Variants in FRMPD1 observed in about 807,000 individuals in gnomAD.
FRMPD1 encodes FERM and PDZ domain containing 1, also known as FERM and PDZ domain-containing protein 1.
In FRMPD1, 76 loss-of-function variants were observed where a neutral mutation model predicts 117.8. The ratio of observed to expected loss-of-function variants is 0.65; its 90% CI spans 0.54 to 0.78. The LOEUF (loss-of-function observed/expected upper bound fraction) is 0.78. Ranked by LOEUF, FRMPD1 falls within the 30% of genes least tolerant of loss-of-function variation. FRMPD1 has a pLI of 0.00. For synonymous variants in FRMPD1, 783 were observed against 770.4 expected (o/e 1.02, Z -0.27); for missense variants, 1,786 against 1,964.5 (o/e 0.91, Z 1.72).
intron 2 of FRMPD1, among the ~76,000 whole-genome samples, chr9:37,694,601 G>T (rs1563935167): frequency 6.6e-6 from 1 of 152,146 alleles, no homozygotes. Flanking sequence ...AGGACGGAGT[G>T]CAGTGGTGTG....
rs769184268 is a variant in FRMPD1, at chr9:37,719,181, G to A, written c.516+5G>A. ...CTCATCAGTGGACACAGCCAGGTGT[G>A]TCACTAGTCAAGGGATTGAAATTAT... On this transcript the variant is annotated splice_donor_5th_base_variant and intron_variant, in intron 6 of 15. Coordinates refer to ENST00000377765, the MANE Select transcript of FRMPD1 (RefSeq NM_014907.3). The A allele has an allele frequency of 1.3e-6, 2 of 1,556,450 alleles. No homozygotes were observed. The highest frequency in any genetic ancestry group is 1.8e-6 in the Non-Finnish European group (2 of 1,127,332).
At chr9:37,659,987 C>G (rs945375121) in intron 1 of FRMPD1, among the ~76,000 whole-genome samples, 1 of 147,820 alleles carries the variant, frequency 6.8e-6, no homozygotes, top group African/African-American at 2.5e-5. Flanking sequence ...AGTAGTGGAG[C>G]TGAGAGAAAG....
intron 1 of FRMPD1, chr9:37,661,662 C>A (rs2119387172): frequency 6.6e-6 from 1 of 152,350 alleles, no homozygotes; most frequent in East Asian, 1.9e-4. Context: ...ACCACCACCT[C>A]TCTGTGTGAA....
intron 5 of FRMPD1, among the ~76,000 whole-genome samples, chr9:37,717,749 G>C (rs191595797): frequency 5.3e-4 from 80 of 152,086 alleles, no homozygotes; most frequent in Admixed American, 1.8e-3. Context: ...TTCATTTTCC[G>C]GAAAACTTGA....
At chr9:37,611,154 G>T in the FRMPD1 span, among the ~76,000 whole-genome samples, 15,734 of 152,214 alleles carry the variant, frequency 0.1, 933 homozygotes, top group Middle Eastern at 0.15. Context: ...GCAAAGTCCA[G>T]CCCTGCAGTC....
chr9:37,607,064 C>T, the FRMPD1 span, among the ~76,000 whole-genome samples: 5 of 152,140 alleles, frequency 3.3e-5, no homozygotes, highest in African/African-American at 1.2e-4. Flanking sequence ...CCTATAATCC[C>T]AGCACTTTGG....
In FRMPD1 at chr9:37,735,687, G is replaced by C. The variant is rs1307137705; in HGVS notation, c.1354G>C (p.Glu452Gln). ...CATCAGCCGTGTAGAGCTAACGGAAGAGTCTGAGAAAGTGAGCGTCGTCAA... is the reference window on the plus strand; with the variant it reads ...CATCAGCCGTGTAGAGCTAACGGAACAGTCTGAGAAAGTGAGCGTCGTCAA... ...ANISRVELTE[E>Q]SEKVSVVKVY... Residue 452 changes from glutamate to glutamine, a missense_variant, in exon 13 of 16, where the codon GAG becomes CAG. Transcript: ENST00000377765. 2.5e-6 allele frequency: 4 copies of C among 1,613,814 alleles called. No homozygotes were observed. Among genetic ancestry groups the C allele is most frequent in the Non-Finnish European group, 3.4e-6 (4 of 1,179,914 alleles).
Position 37,732,453 on chromosome 9 carries a change from G to A in FRMPD1, c.995+13G>A, listed in dbSNP as rs1412940901. 6.3e-7 allele frequency: 1 copy of A among 1,585,986 alleles called. No homozygotes were observed. Among genetic ancestry groups the A allele is most frequent in the Non-Finnish European group, 8.6e-7 (1 of 1,165,078 alleles). On this transcript the variant is annotated intron_variant, in intron 10 of 15. Coordinates refer to ENST00000377765, the MANE Select transcript of FRMPD1 (RefSeq NM_014907.3). The stretch of plus-strand genomic sequence containing the variant: ...TAAAGTATATAGAGTGAGTGGCAGG[G>A]GATGGCAGCTGCATTGCATTTATAA...
rs146611803 is a variant in FRMPD1, at chr9:37,692,718, G to C, written c.77G>C (p.Arg26Pro). ...GAACAAATGGTGGCAAGATGGCTTC[G>C]GCGCTCCCGGGACAGCTCGGCCCGG... The part of the protein sequence containing the change: ...RIEQMVARWL[R>P]RSRDSSARAK... The change falls in exon 2 of 16, where the codon CGG becomes CCG. Residue 26 changes from arginine to proline, a missense_variant. Transcript: ENST00000377765. 6.2e-7 allele frequency: 1 copy of C among 1,613,684 alleles called. No homozygotes were observed. The highest frequency in any genetic ancestry group is 1.1e-5 in the South Asian group (1 of 91,066).
chr9:37,697,854 C>T (rs529549726), intron 2 of FRMPD1, among the ~76,000 whole-genome samples: 1 of 152,092 alleles, frequency 6.6e-6, no homozygotes, highest in African/African-American at 2.4e-5. Flanking sequence ...TGGTGGCTCA[C>T]GCCTGTAATC....
At chr9:37,729,926 G>C (rs1231428902) in intron 8 of FRMPD1, 73 bp downstream of exon 8, 2 of 1,507,438 alleles carry the variant, frequency 1.3e-6, no homozygotes, top group Non-Finnish European at 1.8e-6. Context: ...AGAACCTCTG[G>C]GGACAGGGCT....
intron 2 of FRMPD1, chr9:37,693,072 ACT>A: frequency 6.7e-6 from 2 of 296,804 alleles, no homozygotes; most frequent in Non-Finnish European, 1.3e-5. Flanking sequence ...TGGAGCACAC[ACT>A]CATACATACA....
chr9:37,605,686 A>T, the FRMPD1 span, among the ~76,000 whole-genome samples: 4 of 88,348 alleles, frequency 4.5e-5, no homozygotes, highest in African/African-American at 1.3e-4. Context: ...GTAGAATTTT[A>T]TTTATTTATT....
the FRMPD1 span, among the ~76,000 whole-genome samples, chr9:37,640,523 T>C: frequency 6.6e-6 from 1 of 152,220 alleles, no homozygotes; most frequent in Non-Finnish European, 1.5e-5. Context: ...CATGGTCCAT[T>C]GTAGGAAATC....
intron 1 of FRMPD1, among the ~76,000 whole-genome samples, chr9:37,671,339 A>G (rs1821344486): frequency 6.6e-6 from 1 of 152,176 alleles, no homozygotes; most frequent in East Asian, 1.9e-4. Context: ...TAAATATGTT[A>G]TGACTTCTAG....
Position 37,732,339 on chromosome 9 carries a change from A to G in FRMPD1, c.894A>G (p.Val298=). Residue 298 remains valine (V), a synonymous_variant, in exon 10 of 16, where the codon GTA becomes GTG. Coordinates refer to ENST00000377765, the MANE Select transcript of FRMPD1 (RefSeq NM_014907.3). ...ATGTGCTCCAGGAGCGCTTTGCTGTAGAAATGAAATGTAGCTCTGCACTCC... is the reference window on the plus strand; with the variant it reads ...ATGTGCTCCAGGAGCGCTTTGCTGTGGAAATGAAATGTAGCTCTGCACTCC... The part of the protein sequence containing the change: ...CSDVLQERFA[V]EMKCSSALRL... The G allele has an allele frequency of 6.2e-7, 1 of 1,613,948 alleles. No homozygotes were observed. The highest frequency in any genetic ancestry group is 1.7e-5 in the Admixed American group (1 of 60,032).
intron 2 of FRMPD1, among the ~76,000 whole-genome samples, chr9:37,707,071 C>A (rs754638475): frequency 6.6e-5 from 10 of 152,196 alleles, no homozygotes; most frequent in Non-Finnish European, 1.2e-4. Context: ...TCTCAGAGTG[C>A]AGCTCAAATG....
chr9:37,616,931 G>T, the FRMPD1 span, among the ~76,000 whole-genome samples: 2 of 152,192 alleles, frequency 1.3e-5, no homozygotes, highest in Admixed American at 6.5e-5. Context: ...AGGGTTGAAC[G>T]ACCCCTCTTA....
At position 37,651,714 on chromosome 9, in the gene FRMPD1, ACT is replaced by A. The variant is rs139361544; in HGVS notation, c.-5+623_-5+624del. On this transcript the variant is annotated intron_variant, in intron 1 of 15. Coordinates refer to ENST00000377765, the MANE Select transcript of FRMPD1 (RefSeq NM_014907.3). ...GATGCCCCTAGGGTTAGGAGTCAGG[ACT>A]CTGGCTTCTGGTGGCTCCTCTGCCA... is the stretch of plus-strand genomic sequence containing the variant. Among the ~76,000 whole-genome samples the A allele has an allele frequency of 7.5e-3, 1,140 of 152,108 alleles. 19 individuals carry two copies. Among genetic ancestry groups the A allele is most frequent in the African/African-American group, 0.025 (1,047 of 41,488 alleles).
Sources: gnomAD v4.1 joint callset for allele counts (sites outside exome capture counted in the v4.1 genomes callset) on GRCh38, gnomAD v4.1.1 for gene constraint, MANE v1.5 for transcripts, NCBI Gene and HGNC (gene_info 2026-07-23, HGNC 2026-07-21) for gene names.